Variants in ZNF717 observed in about 807,000 individuals in gnomAD.
ZNF717 encodes the protein krueppel-like factor X17.
In ZNF717, 9 loss-of-function variants were observed where a neutral mutation model predicts 13.8. That is an observed-to-expected ratio of 0.65 (90% confidence interval 0.39 to 1.14). The LOEUF (loss-of-function observed/expected upper bound fraction) is 1.14. ZNF717 is among the 50% of genes most tolerant of loss of function. The probability of loss-of-function intolerance (pLI) is 0.01; values close to 1 mark genes in which losing one functional copy is unlikely to be tolerated. For synonymous variants in ZNF717, 327 were observed against 364.1 expected (o/e 0.90, Z 1.16); for missense variants, 1,040 against 1,080.7 (o/e 0.96, Z 0.53).
intron 2 of ZNF717, among the ~76,000 whole-genome samples, chr3:75,775,875 C>G (rs1488885835): frequency 6.6e-6 from 1 of 151,534 alleles, no homozygotes; most frequent in Non-Finnish European, 1.5e-5. Flanking sequence ...AAAAAATTCC[C>G]AAAAGTTTAA....
At chr3:75,712,087 A>G (rs1272293638) in intron 5 of ZNF717, among the ~76,000 whole-genome samples, 1 of 152,262 alleles carries the variant, frequency 6.6e-6, no homozygotes, top group East Asian at 1.9e-4. Context: ...GCAGAGTTGG[A>G]ACCACAGAAA....
At chr3:75,719,810 T>G (rs1477741956) in intron 4 of ZNF717, among the ~76,000 whole-genome samples, 100 of 151,942 alleles carry the variant, frequency 6.6e-4, no homozygotes, top group African/African-American at 2.3e-3. Context: ...TACAAAAAAT[T>G]TGCTGGGCAT....
rs113620699 is a variant in ZNF717, at chr3:75,750,560, T to C, written c.58-8824A>G. Among the ~76,000 whole-genome samples the C allele has an allele frequency of 2.5e-3, 384 of 150,852 alleles. 8 individuals are homozygous for C. The highest frequency in any genetic ancestry group is 8.2e-3 in the African/African-American group (336 of 40,840). On this transcript the variant is annotated intron_variant, in intron 2 of 4. Coordinates refer to ENST00000652011, the MANE Select transcript of ZNF717 (RefSeq NM_001290208.3). ...GGGTTCTGAGGGTTTGCTCCTCACA[T>C]AGGATTCCAGAACACTGCTACGAGA... is the stretch of plus-strand genomic sequence containing the variant.
Position 75,778,924 on chromosome 3 carries a change from C to T in ZNF717, c.57+4382G>A, listed in dbSNP as rs552685581. ...GGGAGTGCTGTGCTAAAACCGGAAC[C>T]CAAAACAATGGGAGTGAGGTGCTAA... On this transcript the variant is annotated intron_variant, in intron 2 of 4. Coordinates refer to ENST00000652011, the MANE Select transcript of ZNF717 (RefSeq NM_001290208.3). 1.3e-4 allele frequency among the ~76,000 whole-genome samples: 19 copies of T among 151,400 alleles called. 1 individual carries two copies. Among genetic ancestry groups the T allele is most frequent in the Non-Finnish European group, 2.7e-4 (18 of 67,866 alleles).
intron 4 of ZNF717, among the ~76,000 whole-genome samples, 157 bp downstream of exon 4, chr3:75,741,119 G>A (rs74893473): frequency 1.3e-5 from 2 of 152,232 alleles, no homozygotes; most frequent in Non-Finnish European, 2.9e-5. Context: ...ATATGCATGA[G>A]AGTTACCCCT....
chr3:75,730,677 C>G (rs1938478347), intron 5 of ZNF717: 1 of 692,200 alleles, frequency 1.4e-6, no homozygotes, highest in Non-Finnish European at 2.6e-6. Context: ...TCCATCAGAC[C>G]AAATGAACCT....
In ZNF717 at chr3:75,777,716, G is replaced by A. The variant is rs369706049; in HGVS notation, c.57+5590C>T. Among the ~76,000 whole-genome samples the A allele has an allele frequency of 1.6e-3, 223 of 138,766 alleles. 3 individuals carry two copies. Among genetic ancestry groups the A allele is most frequent in the South Asian group, 5.6e-3 (24 of 4,250 alleles). 91.0% of individuals were successfully genotyped at this position (138,766 alleles called of 152,430 possible). ...CAGAACCCAAAATAATGGGAGTGAC[G>A]TGCTAAACCAGAAACCCAAAACAAT... On this transcript the variant is annotated intron_variant, in intron 2 of 4. Coordinates refer to ENST00000652011, the MANE Select transcript of ZNF717 (RefSeq NM_001290208.3).
downstream of ZNF717, among the ~76,000 whole-genome samples, chr3:75,731,509 T>A (rs1292951599): frequency 1.3e-5 from 2 of 151,554 alleles, no homozygotes; most frequent in Admixed American, 6.6e-5. Context: ...TAAGGTGAGC[T>A]GAGATTGCAC....
In ZNF717 at chr3:75,696,904, A is replaced by AC. The variant is rs1553650924; in HGVS notation, n.1085+14282_1085+14283insG. 9.5e-3 allele frequency among the ~76,000 whole-genome samples: 221 copies of AC among 23,204 alleles called. No individual in the cohort carries two copies. The South Asian group carries it at 0.11, about 11-fold the overall frequency. 15.2% of individuals were successfully genotyped at this position (23,204 alleles called of 152,430 possible). On this transcript the variant is annotated intron_variant and non_coding_transcript_variant, in intron 6 of 6. Coordinates refer to the ZNF717 transcript ENST00000648506. ...GGAGACTTCATCTCAAAAAAAAAAA[A>AC]AAAAAAAAAAAAACAAGGACAAAAT...
chr3:75,736,723 A>G lies in ZNF717; in HGVS notation c.*155T>C. The stretch of plus-strand genomic sequence containing the variant: ...TGCAAAGTGTGCTGTAAAAATGGGA[A>G]CAACAAAGCCTGCATGATAGGACTT... On this transcript the variant is annotated 3_prime_UTR_variant, in exon 5 of 5. Coordinates refer to ENST00000652011, the MANE Select transcript of ZNF717 (RefSeq NM_001290208.3). The G allele has an allele frequency of 1.3e-6, 1 of 745,878 alleles. No homozygotes were observed. The allele number at this position is 745,878 out of a possible 1,614,324, so 46.2% of individuals were successfully genotyped here.
intron 2 of ZNF717, among the ~76,000 whole-genome samples, chr3:75,763,265 T>C (rs560776642): frequency 7.9e-5 from 12 of 152,334 alleles, no homozygotes; most frequent in African/African-American, 2.6e-4. Context: ...AAAATACCAG[T>C]TGAGCGTCCC....
At chr3:75,741,081 G>A (rs1940362010) in intron 4 of ZNF717, among the ~76,000 whole-genome samples, 195 bp downstream of exon 4, 1 of 152,186 alleles carries the variant, frequency 6.6e-6, no homozygotes, top group Non-Finnish European at 1.5e-5. Context: ...AATAGAAGAA[G>A]ATACTCAGAA....
intron 4 of ZNF717, among the ~76,000 whole-genome samples, chr3:75,718,536 G>A (rs1461749244): frequency 6.6e-6 from 1 of 152,128 alleles, no homozygotes; most frequent in African/African-American, 2.4e-5. Flanking sequence ...GAATAAATGT[G>A]ATATACAGTT....
chr3:75,760,830 G>GA (rs1340963065), intron 2 of ZNF717, among the ~76,000 whole-genome samples: 2 of 138,686 alleles, frequency 1.4e-5, no homozygotes, highest in Non-Finnish European at 3.2e-5. Context: ...AATAAGACCA[G>GA]AAAAAAGAAA....
At chr3:75,772,492 G>C (rs1012641868) in intron 2 of ZNF717, among the ~76,000 whole-genome samples, 15 of 152,204 alleles carry the variant, frequency 9.9e-5, no homozygotes, top group Non-Finnish European at 2.1e-4. Context: ...TGCAGTTCCT[G>C]CATCTCCAAG....
chr3:75,765,009 A>ATGTG (rs1559661694), intron 2 of ZNF717, among the ~76,000 whole-genome samples: 8 of 27,174 alleles, frequency 2.9e-4, no homozygotes, highest in Middle Eastern at 0.016. Context: ...ATATATATAT[A>ATGTG]TATATATATA....
chr3:75,713,402 C>T (rs1433659757), intron 5 of ZNF717, among the ~76,000 whole-genome samples: 8 of 152,208 alleles, frequency 5.3e-5, no homozygotes, highest in East Asian at 3.9e-4. Flanking sequence ...CCACCCACAT[C>T]GGCCTCACGA....
intron 2 of ZNF717, among the ~76,000 whole-genome samples, chr3:75,765,811 T>C (rs1272357650): frequency 6.6e-6 from 1 of 151,932 alleles, no homozygotes; most frequent in Admixed American, 6.6e-5. Context: ...ATATAGAAGA[T>C]CAAAAGACAG....
intron 2 of ZNF717, among the ~76,000 whole-genome samples, chr3:75,750,652 CACAT>C (rs1210847383): frequency 7.2e-5 from 11 of 151,914 alleles, no homozygotes; most frequent in Non-Finnish European, 1.6e-4. Flanking sequence ...GTTTGTCCCT[CACAT>C]AGGATTCCAG....
Sources: gnomAD v4.1 joint callset for allele counts (sites outside exome capture counted in the v4.1 genomes callset) on GRCh38, gnomAD v4.1.1 for gene constraint, MANE v1.5 for transcripts, NCBI Gene and HGNC (gene_info 2026-07-23, HGNC 2026-07-21) for gene names.